KCNK2: variants seen among roughly 807,000 people sequenced by gnomAD.
KCNK2 encodes the protein potassium channel subfamily K member 2.
In KCNK2, 21 loss-of-function variants were observed where a neutral mutation model predicts 40.5. That is an observed-to-expected ratio of 0.52 (90% confidence interval 0.37 to 0.75). The LOEUF is 0.75. KCNK2 is among the 30% of genes least tolerant of loss of function. KCNK2 has a pLI of 0.00. For missense variants in KCNK2, 399 were observed against 531.6 expected, an observed-to-expected ratio of 0.75 and a Z score of 2.45; for synonymous variants, 191 against 202.2, an observed-to-expected ratio of 0.94 and a Z score of 0.47.
chr1:215,097,125 A>G (rs1558089688), intron 2 of KCNK2, among the ~76,000 whole-genome samples: 1 of 151,976 alleles, frequency 6.6e-6, no homozygotes, highest in East Asian at 1.9e-4. Context: ...ACCTGCAGGT[A>G]CTAAGAATAG....
intron 1 of KCNK2, among the ~76,000 whole-genome samples, chr1:215,047,199 A>G (rs76306911): frequency 0.032 from 4,922 of 152,246 alleles, 243 homozygotes; most frequent in African/African-American, 0.11. Flanking sequence ...CTATGTTAGC[A>G]TAAATTCTCA....
intron 1 of KCNK2, among the ~76,000 whole-genome samples, chr1:215,021,275 A>G (rs912792479): frequency 2.6e-5 from 4 of 152,092 alleles, no homozygotes; most frequent in African/African-American, 9.7e-5. Flanking sequence ...TTGAAATTCA[A>G]TCTTGGTCAA....
intron 5 of KCNK2, among the ~76,000 whole-genome samples, chr1:215,191,200 G>A (rs1231334379): frequency 1.3e-5 from 2 of 151,386 alleles, no homozygotes; most frequent in South Asian, 2.1e-4. Flanking sequence ...CAGGAGAATC[G>A]CTTGAATACG....
intron 3 of KCNK2, among the ~76,000 whole-genome samples, chr1:215,153,550 G>A (rs376774599): frequency 5.2e-5 from 7 of 135,338 alleles, no homozygotes; most frequent in Non-Finnish European, 7.9e-5. Flanking sequence ...TTCTTCTTTC[G>A]ATATATAGCG....
At chr1:215,190,411 T>C (rs1030283062) in intron 5 of KCNK2, among the ~76,000 whole-genome samples, 2 of 152,074 alleles carry the variant, frequency 1.3e-5, no homozygotes, top group African/African-American at 4.8e-5. Flanking sequence ...GGTGGATAAA[T>C]GATAAGAAGG....
chr1:215,154,764 G>A (rs147308757), intron 3 of KCNK2, among the ~76,000 whole-genome samples: 8 of 152,216 alleles, frequency 5.3e-5, no homozygotes, highest in Admixed American at 5.2e-4. Context: ...TGTATAAGGT[G>A]TAAAGAAGGG....
At chr1:215,204,478 T>C (rs959383620) in intron 6 of KCNK2, among the ~76,000 whole-genome samples, 1 of 152,148 alleles carries the variant, frequency 6.6e-6, no homozygotes, top group Non-Finnish European at 1.5e-5. Flanking sequence ...AGAGAGCACA[T>C]TATGAGGATT....
intron 1 of KCNK2, among the ~76,000 whole-genome samples, chr1:215,039,687 A>T (rs1657500006): frequency 6.6e-6 from 1 of 152,070 alleles, no homozygotes; most frequent in African/African-American, 2.4e-5. Flanking sequence ...CGATTTAAAT[A>T]TTTTTTCTCT....
chr1:215,079,815 T>C (rs1219719122), upstream of KCNK2, among the ~76,000 whole-genome samples: 1 of 152,180 alleles, frequency 6.6e-6, no homozygotes, highest in African/African-American at 2.4e-5. Flanking sequence ...AAGTCTACAT[T>C]TGGAACAAGA....
chr1:215,021,615 C>T (rs541787359), intron 1 of KCNK2, among the ~76,000 whole-genome samples: 629 of 149,026 alleles, frequency 4.2e-3, no homozygotes, highest in Non-Finnish European at 6.8e-3. Flanking sequence ...GCGCGATCTC[C>T]GCTCGCTGCA....
intron 1 of KCNK2, among the ~76,000 whole-genome samples, chr1:215,076,322 C>T (rs377505815): frequency 6.6e-6 from 1 of 152,146 alleles, no homozygotes; most frequent in East Asian, 1.9e-4. Flanking sequence ...AAAAACAAGA[C>T]TCATTTATGA....
chr1:215,093,763 TA>T (rs1169220447), intron 2 of KCNK2, among the ~76,000 whole-genome samples: 4 of 56,170 alleles, frequency 7.1e-5, no homozygotes, highest in Non-Finnish European at 8.8e-5. Flanking sequence ...ATATATTATA[TA>T]ATATAAAATA....
chr1:215,145,124 A>G (rs1267464883), intron 3 of KCNK2, among the ~76,000 whole-genome samples: 1 of 152,088 alleles, frequency 6.6e-6, no homozygotes, highest in South Asian at 2.1e-4. Context: ...CATTGCCACC[A>G]TTATTTTTTA....
At chr1:215,072,179 T>C (rs1658778570) in intron 1 of KCNK2, among the ~76,000 whole-genome samples, 1 of 152,210 alleles carries the variant, frequency 6.6e-6, no homozygotes, top group South Asian at 2.1e-4. Flanking sequence ...ATTGTCGGTG[T>C]GATCTCACAG....
chr1:215,043,873 C>A (rs1657650859), intron 1 of KCNK2, among the ~76,000 whole-genome samples: 1 of 151,880 alleles, frequency 6.6e-6, no homozygotes, highest in Non-Finnish European at 1.5e-5. Flanking sequence ...AGATTCTTCC[C>A]CCAAATTGAC....
intron 1 of KCNK2, among the ~76,000 whole-genome samples, chr1:215,020,437 A>AT (rs1469167846): frequency 6.6e-6 from 1 of 152,086 alleles, no homozygotes; most frequent in Non-Finnish European, 1.5e-5. Context: ...TATTTAATTT[A>AT]TTTTTTGACA....
At chr1:215,203,977 G>T (rs1665192648) in intron 6 of KCNK2, among the ~76,000 whole-genome samples, 1 of 129,170 alleles carries the variant, frequency 7.7e-6, no homozygotes, top group Non-Finnish European at 1.6e-5. Context: ...GGTGGAGCTT[G>T]CAGTGAGCCG....
Position 215,083,194 on chromosome 1 carries a change from T to TCCCCCCCTCCC in KCNK2, c.-185_-184insTCCCCCCCCCC. ...CCCGCGATTTCGTTTCTTCTCACGC[T>TCCCCCCCTCCC]CCCCCCCCCGCCCCCTCCCGCGTCC... On this transcript the variant is annotated 5_prime_UTR_variant, in exon 1 of 7. Coordinates refer to ENST00000444842, the MANE Select transcript of KCNK2 (RefSeq NM_001017425.3). 4.0e-6 allele frequency: 2 copies of TCCCCCCCTCCC among 501,814 alleles called. No individual in the cohort carries two copies. Among genetic ancestry groups the TCCCCCCCTCCC allele is most frequent in the Non-Finnish European group, 3.3e-6 (1 of 301,554 alleles). The allele number at this position is 501,814 out of a possible 1,614,324, so 31.1% of individuals were successfully genotyped here.
chr1:215,015,248 C>T (rs1165682037), intron 1 of KCNK2, among the ~76,000 whole-genome samples: 2 of 152,038 alleles, frequency 1.3e-5, no homozygotes, highest in East Asian at 3.9e-4. Flanking sequence ...AATTTCTTTT[C>T]TATATTGGAC....
Sources: gnomAD v4.1 joint callset for allele counts (sites outside exome capture counted in the v4.1 genomes callset) on GRCh38, gnomAD v4.1.1 for gene constraint, MANE v1.5 for transcripts, NCBI Gene and HGNC (gene_info 2026-07-23, HGNC 2026-07-21) for gene names.